Variants in DLEC1 observed in about 807,000 individuals in gnomAD.
The protein encoded by DLEC1 is deleted in lung and esophageal cancer protein 1.
In DLEC1, 146 loss-of-function variants were observed where a neutral mutation model predicts 198.1. That is an observed-to-expected ratio of 0.74 (90% confidence interval 0.64 to 0.85). DLEC1 has a LOEUF of 0.85. Among genes scored for constraint, DLEC1 ranks in the 40% least tolerant of loss-of-function variants. The pLI, the probability that DLEC1 is intolerant of heterozygous loss-of-function variation, is 0.00. For missense variants in DLEC1, 2,233 were observed against 2,220.0 expected, an observed-to-expected ratio of 1.01 and a Z score of -0.12; for synonymous variants, 897 against 866.8, an observed-to-expected ratio of 1.03 and a Z score of -0.61.
At position 38,117,507 on chromosome 3, in the gene DLEC1, CAA is replaced by C; in HGVS notation, c.4401-19_4401-18del. 1 of 1,614,150 alleles carries C rather than the reference CAA, an allele frequency of 6.2e-7. No homozygotes were observed. The highest frequency in any genetic ancestry group is 8.5e-7 in the Non-Finnish European group (1 of 1,179,972). On this transcript the variant is annotated intron_variant, in intron 31 of 36. Transcript: ENST00000308059. Reference sequence around the variant, plus strand: ...GCCCCAGGCGCCCGGCTTGCCCCAACAATGCCTATTGCTGGGCAGGCTAAGTG... The same window carrying C: ...GCCCCAGGCGCCCGGCTTGCCCCAACTGCCTATTGCTGGGCAGGCTAAGTG...
chr3:38,088,439 A>C (rs773571598), intron 10 of DLEC1, 51 bp downstream of exon 10: 4 of 1,550,442 alleles, frequency 2.6e-6, no homozygotes, highest in Non-Finnish European at 3.6e-6. Context: ...GCATGCTTGC[A>C]TTTGTCTCTG....
Position 38,055,599 on chromosome 3 carries a change from G to T in DLEC1, c.563-4143G>T, listed in dbSNP as rs139078385. 6.8e-3 allele frequency among the ~76,000 whole-genome samples: 1,038 copies of T among 152,196 alleles called. 9 individuals are homozygous for T. Among genetic ancestry groups the T allele is most frequent in the Non-Finnish European group, 0.011 (733 of 68,008 alleles). Reference sequence around the variant, plus strand: ...CACAACAGGAAACTCAGGAGAGTGAGACTCAAGGAACTCACTGAAGAACGT... The same window carrying T: ...CACAACAGGAAACTCAGGAGAGTGATACTCAAGGAACTCACTGAAGAACGT... On this transcript the variant is annotated intron_variant, in intron 2 of 36. Transcript: ENST00000308059.
chr3:38,045,448 A>G, intron 1 of DLEC1, 95 bp from the exon 2 acceptor site: 3 of 1,461,682 alleles, frequency 2.1e-6, no homozygotes, highest in Non-Finnish European at 2.7e-6. Flanking sequence ...TCTATGCTTC[A>G]CTGGAAGCCC....
At position 38,096,610 on chromosome 3, in the gene DLEC1, A is replaced by G. The variant is rs1699034266; in HGVS notation, c.2213A>G (p.Asp738Gly). The change falls in exon 15 of 37, where the codon GAT (aspartate) becomes GGT (glycine). Residue 738 changes from aspartate to glycine, a missense_variant. Asp to Gly is a moderately conservative substitution (Grantham distance 94). Coordinates refer to ENST00000308059, the MANE Select transcript of DLEC1 (RefSeq NM_007335.4). ...CTGGGGCACTCCTCCTACTCTGTGG[A>G]TGATGTGATTGTCCTGGAAATCGAG... Reference protein sequence around the residue: ...ESLGHSSYSVDDVIVLEIEVK... With the variant: ...ESLGHSSYSVGDVIVLEIEVK... The G allele has an allele frequency of 3.1e-6, 5 of 1,612,382 alleles. No individual in the cohort carries two copies. The highest frequency in any genetic ancestry group is 4.2e-6 in the Non-Finnish European group (5 of 1,179,976).
chr3:38,111,908 C>T (rs1699903391), intron 24 of DLEC1, among the ~76,000 whole-genome samples, 161 bp downstream of exon 24: 1 of 152,178 alleles, frequency 6.6e-6, no homozygotes, highest in Non-Finnish European at 1.5e-5. Flanking sequence ...CTGTTGAGGC[C>T]ACTTCCCTTC....
chr3:38,105,764 A>C (rs1435038073), intron 19 of DLEC1, among the ~76,000 whole-genome samples: 1 of 152,116 alleles, frequency 6.6e-6, no homozygotes, highest in Non-Finnish European at 1.5e-5. Flanking sequence ...CTTTATATTT[A>C]ATGTAAATAC....
intron 6 of DLEC1, among the ~76,000 whole-genome samples, chr3:38,072,945 T>C (rs1212387322): frequency 1.3e-5 from 2 of 152,126 alleles, no homozygotes; most frequent in African/African-American, 2.4e-5. Context: ...GTCATCAATA[T>C]ATTGAATAAG....
Position 38,100,312 on chromosome 3 carries a change from G to T in DLEC1, c.2751G>T (p.Ser917=), listed in dbSNP as rs538993048. The change falls in exon 19 of 37, where the codon TCG becomes TCT. Residue 917 remains serine (S), a synonymous_variant. Transcript: ENST00000308059. ...EDVSPFDIEP[S]SGQLHSLGEC... is the part of the protein sequence containing the mutation. Reference sequence around the variant, plus strand: ...TGTCTCCCTTCGACATTGAGCCTTCGAGTGGCCAGCTTCACTCTCTGGGGG... The same window carrying T: ...TGTCTCCCTTCGACATTGAGCCTTCTAGTGGCCAGCTTCACTCTCTGGGGG... The T allele has an allele frequency of 1.2e-5, 20 of 1,612,854 alleles. No individual in the cohort carries two copies. The highest frequency in any genetic ancestry group is 1.7e-5 in the Non-Finnish European group (20 of 1,179,666).
Position 38,117,968 on chromosome 3 carries a change from G to A in DLEC1, c.4648G>A (p.Glu1550Lys), listed in dbSNP as rs745880088. Reference protein sequence around the residue: ...PGPGQKQECEEETASADKQLV... With the variant: ...PGPGQKQECEKETASADKQLV... The stretch of plus-strand genomic sequence containing the variant: ...CCCTGGCCAGAAGCAGGAGTGTGAG[G>A]AGGAGACAGCCTCAGCGGACAAGCA... The change falls in exon 33 of 37, where the codon GAG (glutamate) becomes AAG (lysine). Residue 1550 changes from glutamate (E) to lysine (K), a missense_variant. Transcript: ENST00000308059. The A allele has an allele frequency of 1.9e-6, 3 of 1,613,780 alleles. No individual in the cohort carries two copies. Among genetic ancestry groups the A allele is most frequent in the Admixed American group, 1.7e-5 (1 of 59,986 alleles).
At chr3:38,117,768 A>G (rs1700259250) in intron 32 of DLEC1, 38 bp from the exon 33 acceptor site, 1 of 1,611,796 alleles carries the variant, frequency 6.2e-7, no homozygotes, top group South Asian at 1.1e-5. Context: ...GAGAGAGACA[A>G]GATGCATTCC....
chr3:38,074,977 C>T (rs573809505), intron 6 of DLEC1, among the ~76,000 whole-genome samples: 8 of 152,212 alleles, frequency 5.3e-5, no homozygotes, highest in African/African-American at 9.6e-5. Context: ...AAAAGCTAGT[C>T]GCAGAACTAA....
At position 38,117,844 on chromosome 3, in the gene DLEC1, G is replaced by T; in HGVS notation, c.4524G>T (p.Leu1508=). 1.9e-6 allele frequency: 3 copies of T among 1,614,072 alleles called. No individual in the cohort carries two copies. Among genetic ancestry groups the T allele is most frequent in the Non-Finnish European group, 2.5e-6 (3 of 1,180,010 alleles). The change falls in exon 33 of 37, where the codon CTG becomes CTT. Residue 1508 remains leucine (L), a synonymous_variant. Coordinates refer to ENST00000308059, the MANE Select transcript of DLEC1 (RefSeq NM_007335.4). ...TGGTGACCACCCACCACCTGAAGCT[G>T]ACCAACACTACAGAGATCCCACACT... The part of the protein sequence containing the change: ...SELVTTHHLK[L]TNTTEIPHYF...
chr3:38,114,110 T>TAA lies in DLEC1; in HGVS notation c.3667-211_3667-210dup, dbSNP rs35524280. 6.7e-3 allele frequency among the ~76,000 whole-genome samples: 587 copies of TAA among 87,840 alleles called. 8 individuals are homozygous for TAA. The highest frequency in any genetic ancestry group is 0.019 in the East Asian group (60 of 3,132). The allele number at this position is 87,840 out of a possible 152,430, so 57.6% of individuals were successfully genotyped here. A position where few individuals can be genotyped will look rare whatever the true frequency, so the allele number is the denominator to read the frequency against. Reference sequence around the variant, plus strand: ...CAACATAGTAAGACCCTGTGTCTACTAAAAAAAAAAAAAAAAAAAAAAGTC... The same window carrying TAA: ...CAACATAGTAAGACCCTGTGTCTACTAAAAAAAAAAAAAAAAAAAAAAAAGTC... On this transcript the variant is annotated intron_variant, in intron 25 of 36. Coordinates refer to ENST00000308059, the MANE Select transcript of DLEC1 (RefSeq NM_007335.4).
chr3:38,083,792 A>T (rs1297120130), intron 6 of DLEC1, among the ~76,000 whole-genome samples: 2 of 135,062 alleles, frequency 1.5e-5, no homozygotes, highest in African/African-American at 3.0e-5. Flanking sequence ...TTTTAAACTA[A>T]TTTTTTTGTT....
intron 19 of DLEC1, among the ~76,000 whole-genome samples, chr3:38,102,792 C>T (rs1462566319): frequency 6.6e-6 from 1 of 152,178 alleles, no homozygotes; most frequent in African/African-American, 2.4e-5. Context: ...TGGGCAGCTA[C>T]ACAAATCAAT....
intron 17 of DLEC1, 52 bp from the exon 18 acceptor site, chr3:38,097,692 G>A (rs543679803): frequency 6.2e-7 from 1 of 1,613,504 alleles, no homozygotes; most frequent in Admixed American, 1.7e-5. Flanking sequence ...GCAGGGCTGG[G>A]ACACTGAGCC....
At position 38,047,898 on chromosome 3, in the gene DLEC1, A is replaced by T. The variant is rs568001366; in HGVS notation, c.562+2205A>T. On this transcript the variant is annotated intron_variant, in intron 2 of 36. Transcript: ENST00000308059. Reference sequence around the variant, plus strand: ...TTCTATAAAGACAAACTTTTCAGAAACTACTTTGATTACCCCAAAGTATGG... The same window carrying T: ...TTCTATAAAGACAAACTTTTCAGAATCTACTTTGATTACCCCAAAGTATGG... 2.0e-5 allele frequency among the ~76,000 whole-genome samples: 3 copies of T among 152,338 alleles called. No homozygotes were observed. In the East Asian group the frequency reaches 5.8e-4, roughly 29 times the overall value.
chr3:38,066,755 CT>C (rs1266067471), intron 6 of DLEC1, among the ~76,000 whole-genome samples: 3 of 152,244 alleles, frequency 2.0e-5, no homozygotes, highest in African/African-American at 7.2e-5. Flanking sequence ...ATCCATAATT[CT>C]TGAGGAATGT....
At chr3:38,105,022 AG>A (rs201554437) in intron 19 of DLEC1, among the ~76,000 whole-genome samples, 1,626 of 152,248 alleles carry the variant, frequency 0.011, 13 homozygotes, top group Non-Finnish European at 0.016. Flanking sequence ...TTGATATAAA[AG>A]TATTTTCTAA....
Sources: gnomAD v4.1 joint callset for allele counts (sites outside exome capture counted in the v4.1 genomes callset) on GRCh38, gnomAD v4.1.1 for gene constraint, MANE v1.5 for transcripts, NCBI Gene and HGNC (gene_info 2026-07-23, HGNC 2026-07-21) for gene names.